The following SMYD3 variants were observed in gnomAD, a reference collection of about 807,000 sequenced individuals.
SMYD3 encodes the protein histone-lysine N-methyltransferase SMYD3.
Under a neutral mutation model 57.7 loss-of-function variants are expected in SMYD3, and 36 were observed. That is an observed-to-expected ratio of 0.62 (90% CI 0.48 to 0.82). SMYD3 has a LOEUF of 0.82. Ranked by LOEUF, SMYD3 falls within the 40% of genes least tolerant of loss-of-function variation. SMYD3 has a pLI of 0.00. For synonymous variants in SMYD3, 211 were observed against 195.0 expected (o/e 1.08, Z -0.68); for missense variants, 515 against 538.8 (o/e 0.96, Z 0.44).
At chr1:246,216,925 A>T (rs2063174114) in intron 5 of SMYD3, among the ~76,000 whole-genome samples, 1 of 152,244 alleles carries the variant, frequency 6.6e-6, no homozygotes, top group Admixed American at 6.5e-5. Flanking sequence ...CAGACTGGAA[A>T]GTCTAAAACC....
intron 5 of SMYD3, chr1:246,193,794 C>G (rs79993170): frequency 0.11 from 16,236 of 152,300 alleles, 1,004 homozygotes; most frequent in African/African-American, 0.17. Flanking sequence ...CGGCTGCTAT[C>G]GTCCTCGCAG....
At chr1:246,506,020 T>C (rs2068531242) in intron 1 of SMYD3, among the ~76,000 whole-genome samples, 1 of 152,208 alleles carries the variant, frequency 6.6e-6, no homozygotes, top group African/African-American at 2.4e-5. Context: ...AAAGTCATAT[T>C]CCTGAATTAT....
intron 5 of SMYD3, among the ~76,000 whole-genome samples, chr1:246,247,394 A>G (rs1425729317): frequency 1.3e-5 from 2 of 151,724 alleles, no homozygotes; most frequent in Non-Finnish European, 2.9e-5. Context: ...TCAACAGACT[A>G]CCAGGACAGA....
At chr1:245,872,943 T>C (rs1409122147) in intron 8 of SMYD3, among the ~76,000 whole-genome samples, 3 of 152,176 alleles carry the variant, frequency 2.0e-5, no homozygotes, top group African/African-American at 7.2e-5. Context: ...CTCCCCTCCC[T>C]CTGTGTGGGG....
chr1:245,893,844 G>A (rs2053557427), intron 8 of SMYD3, among the ~76,000 whole-genome samples: 1 of 152,122 alleles, frequency 6.6e-6, no homozygotes, highest in African/African-American at 2.4e-5. Context: ...TTTACTGAAT[G>A]CAAATTACAC....
chr1:245,854,774 T>C (rs1354676495), intron 10 of SMYD3, among the ~76,000 whole-genome samples: 1 of 151,880 alleles, frequency 6.6e-6, no homozygotes, highest in Non-Finnish European at 1.5e-5. Context: ...CAGGAGAAAG[T>C]GGAAGAGCCC....
chr1:246,049,178 C>T lies in SMYD3; in HGVS notation c.532-119241G>A, dbSNP rs181142260. On this transcript the variant is annotated intron_variant, in intron 5 of 11. Transcript: ENST00000490107. ...TCAAGAGCCCAGTTCTAGTTGCAGGCCACAAGTATCCTGACAATAAACGAC... is the reference window on the plus strand; with the variant it reads ...TCAAGAGCCCAGTTCTAGTTGCAGGTCACAAGTATCCTGACAATAAACGAC... Among the ~76,000 whole-genome samples, 417 of 152,218 alleles carry T rather than the reference C, an allele frequency of 2.7e-3. 3 individuals are homozygous for T. The highest frequency in any genetic ancestry group is 9.3e-3 in the African/African-American group (386 of 41,524).
intron 5 of SMYD3, among the ~76,000 whole-genome samples, chr1:246,314,684 T>G (rs574676086): frequency 6.6e-6 from 1 of 152,228 alleles, no homozygotes; most frequent in South Asian, 2.1e-4. Flanking sequence ...TACTCAAATA[T>G]GTAATACAGC....
chr1:246,422,420 C>CTT (rs35417324), intron 1 of SMYD3, among the ~76,000 whole-genome samples: 3 of 151,000 alleles, frequency 2.0e-5, no homozygotes, highest in African/African-American at 4.9e-5. Context: ...CAATGTTTGC[C>CTT]TTTTTTTTTA....
intron 5 of SMYD3, among the ~76,000 whole-genome samples, chr1:246,259,158 C>T (rs796258023): frequency 6.6e-6 from 1 of 152,148 alleles, no homozygotes; most frequent in East Asian, 1.9e-4. Context: ...TGTCTTGGAT[C>T]TCATTGAGCT....
intron 5 of SMYD3, chr1:246,111,633 C>T (rs2061244649): frequency 6.6e-6 from 1 of 152,198 alleles, no homozygotes; most frequent in South Asian, 2.1e-4. Flanking sequence ...ATGATCCTTC[C>T]TTCTGGGCTC....
At chr1:245,854,085 C>A (rs1425925673) in intron 10 of SMYD3, among the ~76,000 whole-genome samples, 2 of 152,132 alleles carry the variant, frequency 1.3e-5, no homozygotes, top group African/African-American at 4.8e-5. Context: ...TATTTATGGA[C>A]AACAAAATTA....
intron 5 of SMYD3, among the ~76,000 whole-genome samples, chr1:246,038,155 C>A (rs76661530): frequency 0.056 from 8,486 of 152,212 alleles, 367 homozygotes; most frequent in Middle Eastern, 0.11. Flanking sequence ...CTATTTTTCT[C>A]CCAGTTTAGT....
chr1:246,246,656 A>G (rs2063708998), intron 5 of SMYD3, among the ~76,000 whole-genome samples: 1 of 152,110 alleles, frequency 6.6e-6, no homozygotes, highest in Non-Finnish European at 1.5e-5. Context: ...TATAATATGC[A>G]TTAATAGTAT....
intron 1 of SMYD3, among the ~76,000 whole-genome samples, chr1:246,414,756 C>T (rs1352387886): frequency 3.3e-5 from 4 of 121,240 alleles, no homozygotes; most frequent in East Asian, 5.1e-4. Flanking sequence ...CTTGCTCTGT[C>T]GCCCAGACCA....
intron 1 of SMYD3, among the ~76,000 whole-genome samples, chr1:246,406,737 A>G (rs1378689922): frequency 1.3e-5 from 2 of 152,234 alleles, no homozygotes; most frequent in African/African-American, 4.8e-5. Flanking sequence ...GCAGGATCAC[A>G]TAGCTAGTAA....
intron 10 of SMYD3, among the ~76,000 whole-genome samples, chr1:245,814,938 TCACAAAACA>T (rs1329801103): frequency 1.3e-5 from 2 of 151,792 alleles, no homozygotes; most frequent in Non-Finnish European, 1.5e-5. Flanking sequence ...GACATCTTCC[TCACAAAACA>T]CACAAAACAA....
chr1:246,139,183 GT>G (rs1343354536), intron 5 of SMYD3, among the ~76,000 whole-genome samples: 6 of 152,148 alleles, frequency 3.9e-5, no homozygotes, highest in African/African-American at 1.4e-4. Context: ...AATTTTAATT[GT>G]TCATAGACCA....
intron 5 of SMYD3, among the ~76,000 whole-genome samples, chr1:246,022,279 G>A (rs1199223777): frequency 6.6e-6 from 1 of 152,154 alleles, no homozygotes; most frequent in Non-Finnish European, 1.5e-5. Context: ...AGAGAAAAAT[G>A]CTCTCTCAAG....
Sources: gnomAD v4.1 joint callset for allele counts (sites outside exome capture counted in the v4.1 genomes callset) on GRCh38, gnomAD v4.1.1 for gene constraint, MANE v1.5 for transcripts, NCBI Gene and HGNC (gene_info 2026-07-23, HGNC 2026-07-21) for gene names.